Variants in RBM41 observed in about 807,000 individuals in gnomAD.
The protein encoded by RBM41 is RNA-binding protein 41.
In RBM41, 14 loss-of-function variants were observed where a neutral mutation model predicts 30.8. The ratio of observed to expected loss-of-function variants is 0.45; its 90% confidence interval spans 0.30 to 0.71. The LOEUF is 0.71. Among genes scored for constraint, RBM41 ranks in the 30% least tolerant of loss-of-function variants. The probability of loss-of-function intolerance (pLI) is 0.08; values close to 1 mark genes in which losing one functional copy is unlikely to be tolerated. For missense variants in RBM41, 276 were observed against 326.3 expected (o/e 0.85, Z 1.19); for synonymous variants, 120 against 110.1 (o/e 1.09, Z -0.56).
chrX:107,118,709 A>C, intron 1 of RBM41, 57 bp downstream of exon 1: 1 of 1,205,474 alleles, frequency 8.3e-7, no homozygotes, highest in Non-Finnish European at 1.1e-6. Flanking sequence ...AGCCATTTTC[A>C]AAAGAAAAGG....
rs1935822076 is a variant in RBM41, at chrX:107,065,950, C to T, written c.*1577G>A. Among the ~76,000 whole-genome samples the T allele has an allele frequency of 8.9e-6, 1 of 112,320 alleles. No individual in the cohort carries two copies. Among genetic ancestry groups the T allele is most frequent in the Non-Finnish European group, 1.9e-5 (1 of 53,201 alleles). Reference sequence around the variant, plus strand: ...CATGTGTGTAGATTCAGATTACTGTCTGTGGTCACTTGCTTTCAGGCTGAA... The same window carrying T: ...CATGTGTGTAGATTCAGATTACTGTTTGTGGTCACTTGCTTTCAGGCTGAA... On this transcript the variant is annotated 3_prime_UTR_variant, in exon 8 of 8. Coordinates refer to ENST00000685964, the MANE Select transcript of RBM41 (RefSeq NM_001324242.2).
chrX:107,088,305 G>A (rs1030115419), intron 6 of RBM41, 131 bp downstream of exon 6: 1 of 657,851 alleles, frequency 1.5e-6, no homozygotes, highest in Non-Finnish European at 2.3e-6. Flanking sequence ...TCAAGGTCAA[G>A]GACAAACACA....
downstream of RBM41, among the ~76,000 whole-genome samples, chrX:107,059,165 G>A (rs1280252011): frequency 1.8e-5 from 2 of 111,186 alleles, no homozygotes; most frequent in Admixed American, 1.9e-4. Context: ...CTGAGGCCTC[G>A]CCCTTCTGAC....
At chrX:107,082,200 G>A (rs1055054551) in intron 6 of RBM41, among the ~76,000 whole-genome samples, 1 of 111,261 alleles carries the variant, frequency 9.0e-6, no homozygotes, top group Admixed American at 9.5e-5. Context: ...TTCCTAGTTT[G>A]CTGAGAGTTT....
chrX:107,073,602 T>C (rs184071736), intron 6 of RBM41, among the ~76,000 whole-genome samples: 10 of 111,403 alleles, frequency 9.0e-5, no homozygotes, highest in Non-Finnish European at 1.9e-4. Flanking sequence ...AAACTACAAA[T>C]AGAACTACCA....
chrX:107,055,152 CAT>C, the RBM41 span, among the ~76,000 whole-genome samples: 50 of 111,917 alleles, frequency 4.5e-4, no homozygotes, highest in Non-Finnish European at 8.8e-4. Flanking sequence ...GAGGTACAAA[CAT>C]TGTAGCATGT....
chrX:107,052,291 T>C, the RBM41 span, among the ~76,000 whole-genome samples: 8 of 111,193 alleles, frequency 7.2e-5, no homozygotes, highest in African/African-American at 2.6e-4. Context: ...TTTCTTTACC[T>C]CCTGTTTTTG....
rs1487839526 is a variant in RBM41 at position 107,064,815 on chromosome X, T to G, written c.*2712A>C. On this transcript the variant is annotated 3_prime_UTR_variant, in exon 8 of 8. Transcript: ENST00000685964. ...TTGCCTTATAATGTTGTTCAAGTCT[T>G]CTATTTCCTGGTTTATCTTCTGTCT... The G allele has an allele frequency of 2.7e-5, 3 of 111,763 alleles. No individual in the cohort carries two copies. The highest frequency in any genetic ancestry group is 5.6e-4 in the East Asian group (2 of 3,579). 9.2% of individuals were successfully genotyped at this position (111,763 alleles called of 1,213,427 possible).
intron 5 of RBM41, among the ~76,000 whole-genome samples, chrX:107,111,354 C>T (rs148716369): frequency 0.025 from 2,779 of 110,761 alleles, 99 homozygotes; most frequent in African/African-American, 0.086. Flanking sequence ...CATTTCATAC[C>T]CATTAGGACG....
At chrX:107,106,330 C>T (rs1236044065) in intron 5 of RBM41, among the ~76,000 whole-genome samples, 8 of 111,886 alleles carry the variant, frequency 7.2e-5, no homozygotes, top group Admixed American at 6.6e-4. Context: ...TACCATCTCA[C>T]ACCAGTTAGA....
intron 5 of RBM41, among the ~76,000 whole-genome samples, chrX:107,101,453 G>C (rs1416914317): frequency 9.0e-6 from 1 of 111,594 alleles, no homozygotes. Flanking sequence ...TGAAGTCACA[G>C]GGTAGGCTCT....
rs1025530783 is a variant in RBM41, at chrX:107,063,237, C to A, written c.*4290G>T. On this transcript the variant is annotated 3_prime_UTR_variant, in exon 8 of 8. Transcript: ENST00000685964. Reference sequence around the variant, plus strand: ...CCCCCAACTCTGTGCTAGCCCTAAGCAACCACTAATCCACTTTCTATCTCT... The same window carrying A: ...CCCCCAACTCTGTGCTAGCCCTAAGAAACCACTAATCCACTTTCTATCTCT... Among the ~76,000 whole-genome samples the A allele has an allele frequency of 2.7e-5, 3 of 110,905 alleles. No homozygotes were observed. The highest frequency in any genetic ancestry group is 9.8e-5 in the African/African-American group (3 of 30,502).
At chrX:107,104,876 T>G (rs1235520139) in intron 5 of RBM41, among the ~76,000 whole-genome samples, 1 of 110,814 alleles carries the variant, frequency 9.0e-6, no homozygotes, top group Non-Finnish European at 1.9e-5. Flanking sequence ...CTCAAAATAA[T>G]AAGAGCTATC....
At chrX:107,052,453 C>T in the RBM41 span, among the ~76,000 whole-genome samples, 6 of 110,870 alleles carry the variant, frequency 5.4e-5, no homozygotes, top group Admixed American at 1.9e-4. Flanking sequence ...TCTCAGTACC[C>T]CCTCTCAACA....
Position 107,065,613 on chromosome X carries a change from GAA to G in RBM41, c.*1912_*1913del. 1.0e-5 allele frequency: 5 copies of G among 481,388 alleles called. No homozygotes were observed. Among genetic ancestry groups the G allele is most frequent in the Non-Finnish European group, 1.6e-5 (5 of 319,611 alleles). The allele number at this position is 481,388 out of a possible 1,213,427, so 39.7% of individuals were successfully genotyped here. On this transcript the variant is annotated 3_prime_UTR_variant, in exon 8 of 8. Coordinates refer to ENST00000685964, the MANE Select transcript of RBM41 (RefSeq NM_001324242.2). ...TTTACATCTTTAAAAGAAGCTGAGA[GAA>G]GAGTAAGTATATGTTTATAGTTTTT... is the stretch of plus-strand genomic sequence containing the variant.
At position 107,118,764 on chromosome X, in the gene RBM41, A is replaced by C; in HGVS notation, c.8+2T>G. 1 of 1,211,369 alleles carries C rather than the reference A, an allele frequency of 8.3e-7. No individual in the cohort carries two copies. The highest frequency in any genetic ancestry group is 1.7e-5 in the African/African-American group (1 of 57,725). ...CCGCCTGCTCTTCAGACAAGTCCTT[A>C]CCTCTTCATGTTTCCACAGGCCCCT... On this transcript the variant is annotated splice_donor_variant, in intron 1 of 7. Transcript: ENST00000685964. LOFTEE classifies it high-confidence loss of function.
intron 6 of RBM41, chrX:107,069,988 G>A (rs1389964357): frequency 5.1e-6 from 1 of 197,787 alleles, no homozygotes; most frequent in Admixed American, 7.2e-5. Flanking sequence ...TCAGCACACT[G>A]AAGAAAGCTG....
rs781528359 is a variant in RBM41, at chrX:107,118,757, A to G, written c.8+9T>C. On this transcript the variant is annotated intron_variant, in intron 1 of 7. Coordinates refer to ENST00000685964, the MANE Select transcript of RBM41 (RefSeq NM_001324242.2). ...CCCCTTGCCGCCTGCTCTTCAGACAAGTCCTTACCTCTTCATGTTTCCACA... is the reference window on the plus strand; with the variant it reads ...CCCCTTGCCGCCTGCTCTTCAGACAGGTCCTTACCTCTTCATGTTTCCACA... 6.6e-6 allele frequency: 8 copies of G among 1,209,990 alleles called. No homozygotes were observed. The African/African-American group carries it at 1.2e-4, about 19-fold the overall frequency.
At chrX:107,105,759 G>C (rs1378207825) in intron 5 of RBM41, among the ~76,000 whole-genome samples, 1 of 111,467 alleles carries the variant, frequency 9.0e-6, no homozygotes, top group East Asian at 2.8e-4. Context: ...CAAAAACAAG[G>C]AATGGGGAAA....
Sources: gnomAD v4.1 joint callset for allele counts (sites outside exome capture counted in the v4.1 genomes callset) on GRCh38, gnomAD v4.1.1 for gene constraint, MANE v1.5 for transcripts, NCBI Gene and HGNC (gene_info 2026-07-23, HGNC 2026-07-21) for gene names.